The following GBP7 variants were observed in gnomAD, a reference collection of about 807,000 sequenced individuals.
GBP7 encodes the protein guanylate-binding protein 7.
In GBP7, 43 loss-of-function variants were observed where a neutral mutation model predicts 61.3. That is an observed-to-expected ratio of 0.70 (90% confidence interval 0.55 to 0.91). The LOEUF (loss-of-function observed/expected upper bound fraction) is 0.91. Among genes scored for constraint, GBP7 ranks in the 40% least tolerant of loss-of-function variants. The pLI, the probability that GBP7 is intolerant of heterozygous loss-of-function variation, is 0.00. For synonymous variants in GBP7, 267 were observed against 271.0 expected, an observed-to-expected ratio of 0.99 and a Z score of 0.14; for missense variants, 717 against 740.5, an observed-to-expected ratio of 0.97 and a Z score of 0.37.
chr1:89,154,913 C>T (rs1326973651), intron 3 of GBP7, among the ~76,000 whole-genome samples: 2 of 152,048 alleles, frequency 1.3e-5, no homozygotes, highest in Non-Finnish European at 2.9e-5. Context: ...CAAGTGGGTC[C>T]CCGACCCCCG....
At chr1:89,163,958 T>C (rs142614169) in intron 3 of GBP7, among the ~76,000 whole-genome samples, 2,502 of 151,924 alleles carry the variant, frequency 0.016, 63 homozygotes, top group African/African-American at 0.056. Flanking sequence ...CAACCTCCAC[T>C]TCCCGGGTCC....
rs147714998 is a variant in GBP7, at chr1:89,167,249, T to C, written c.191-2391A>G. 5.3e-5 allele frequency among the ~76,000 whole-genome samples: 8 copies of C among 152,318 alleles called. No homozygotes were observed. In the East Asian group the frequency reaches 1.5e-3, roughly 29 times the overall value. On this transcript the variant is annotated intron_variant, in intron 2 of 10. Transcript: ENST00000294671. ...CATTTCCACAGCTGACCTTTTCTACTGTGTTGAGTCTCCCCTTGGGTTAAA... is the reference window on the plus strand; with the variant it reads ...CATTTCCACAGCTGACCTTTTCTACCGTGTTGAGTCTCCCCTTGGGTTAAA...
chr1:89,156,935 A>G (rs923495542), intron 3 of GBP7, among the ~76,000 whole-genome samples: 1 of 152,246 alleles, frequency 6.6e-6, no homozygotes, highest in Non-Finnish European at 1.5e-5. Context: ...TTATTCCAAA[A>G]TGGACCACAT....
chr1:89,151,257 T>C (rs1682190257), intron 5 of GBP7, among the ~76,000 whole-genome samples: 1 of 152,216 alleles, frequency 6.6e-6, no homozygotes, highest in Non-Finnish European at 1.5e-5. Context: ...TGTTTCTATG[T>C]ATTTGACGTT....
At chr1:89,153,076 C>T (rs1682241804) in intron 3 of GBP7, among the ~76,000 whole-genome samples, 1 of 152,148 alleles carries the variant, frequency 6.6e-6, no homozygotes, top group South Asian at 2.1e-4. Flanking sequence ...ATCAGTGGTG[C>T]TGTAACCATT....
chr1:89,165,380 G>A (rs1355024326), intron 2 of GBP7, among the ~76,000 whole-genome samples: 1 of 151,978 alleles, frequency 6.6e-6, no homozygotes, highest in Non-Finnish European at 1.5e-5. Context: ...CACGCCTGTA[G>A]TCCCAGCTAC....
intron 9 of GBP7, among the ~76,000 whole-genome samples, chr1:89,133,693 G>C (rs115736074): frequency 1.4e-3 from 216 of 152,284 alleles, no homozygotes; most frequent in Non-Finnish European, 2.2e-3. Flanking sequence ...CAAGCACCAA[G>C]ACTCATTCCT....
At chr1:89,142,818 A>G (rs1278229662) in intron 8 of GBP7, among the ~76,000 whole-genome samples, 1 of 152,150 alleles carries the variant, frequency 6.6e-6, no homozygotes, top group Non-Finnish European at 1.5e-5. Context: ...TGGGTGTATT[A>G]GGACATTCTT....
At chr1:89,170,123 CA>C (rs1647557170) in intron 2 of GBP7, among the ~76,000 whole-genome samples, 1 of 152,074 alleles carries the variant, frequency 6.6e-6, no homozygotes, top group African/African-American at 2.4e-5. Context: ...TTAATTTAAC[CA>C]AGTTATGAGA....
At chr1:89,174,766 CTTGA>C (rs776381164) in intron 1 of GBP7, among the ~76,000 whole-genome samples, 13 of 152,252 alleles carry the variant, frequency 8.5e-5, no homozygotes, top group Middle Eastern at 6.8e-3. Context: ...TGATTTTTGA[CTTGA>C]TTATGTTAAC....
intron 9 of GBP7, among the ~76,000 whole-genome samples, chr1:89,136,501 A>C (rs1681805188): frequency 6.6e-6 from 1 of 152,226 alleles, no homozygotes; most frequent in Non-Finnish European, 1.5e-5. Flanking sequence ...ATCAATACAA[A>C]GAATATCTCT....
chr1:89,141,907 G>A (rs527489207), intron 8 of GBP7, among the ~76,000 whole-genome samples: 2 of 152,088 alleles, frequency 1.3e-5, no homozygotes, highest in African/African-American at 2.4e-5. Flanking sequence ...ACCCACCCCC[G>A]GTGCAGACAA....
rs1682139025 is a variant in GBP7 at position 89,149,339 on chromosome 1, C to T, written c.1105G>A (p.Glu369Lys). The T allele has an allele frequency of 2.5e-6, 4 of 1,613,940 alleles. No individual in the cohort carries two copies. Among genetic ancestry groups the T allele is most frequent in the African/African-American group, 1.3e-5 (1 of 74,918 alleles). ...CEREAIAVFM[E>K]YSFKDKSQEF... ...TGGCTTTTATCTTTGAAGGAGTACT[C>T]CATGAAGACTGCAATGGCTTCCCTC... is the stretch of plus-strand genomic sequence containing the variant. Residue 369 changes from glutamate (E) to lysine (K), a missense_variant, in exon 7 of 11, where the codon GAG (glutamate) becomes AAG (lysine). Physicochemically the swap from Glu to Lys is moderately conservative, Grantham distance 56 (BLOSUM62 1). Around this residue, in one of 3 missense-constraint regions of GBP7, gnomAD observed 312 missense variants for 310.1 expected, o/e 1.01. Coordinates refer to ENST00000294671, the MANE Select transcript of GBP7 (RefSeq NM_207398.3).
chr1:89,157,163 A>G (rs1682336376), intron 3 of GBP7, among the ~76,000 whole-genome samples: 1 of 152,242 alleles, frequency 6.6e-6, no homozygotes, highest in Admixed American at 6.5e-5. Context: ...CAATGAGAAG[A>G]AAGACACAAC....
intron 2 of GBP7, 55 bp downstream of exon 2, chr1:89,171,691 C>A: frequency 6.7e-7 from 1 of 1,499,492 alleles, no homozygotes; most frequent in Non-Finnish European, 9.2e-7. Context: ...ATACTAGATA[C>A]TGACTGTGTA....
intron 6 of GBP7, 147 bp downstream of exon 6, chr1:89,150,183 C>T (rs1682159096): frequency 4.3e-6 from 3 of 692,350 alleles, no homozygotes; most frequent in Non-Finnish European, 7.3e-6. Flanking sequence ...CTTTTATACC[C>T]TCACTGAGAA....
rs758972333 is a variant in GBP7 at position 89,132,260 on chromosome 1, A to G, written c.1806T>C (p.Ser602=). The stretch of plus-strand genomic sequence containing the variant: ...CCCCAGGTAGTGCTGCAATAAATAT[A>G]CTGCCAGCCACATCAAGAATCTGTG... The part of the protein sequence containing the change: ...VFSQILDVAG[S]IFIAALPGAA... Residue 602 remains serine (S), a synonymous_variant, in exon 11 of 11, where the codon AGT becomes AGC. Coordinates refer to ENST00000294671, the MANE Select transcript of GBP7 (RefSeq NM_207398.3). 1.2e-6 allele frequency: 2 copies of G among 1,614,002 alleles called. No individual in the cohort carries two copies. Among genetic ancestry groups the G allele is most frequent in the Admixed American group, 1.7e-5 (1 of 60,020 alleles).
intron 3 of GBP7, among the ~76,000 whole-genome samples, chr1:89,163,396 C>CTT (rs79742670): frequency 2.9e-5 from 4 of 137,184 alleles, no homozygotes; most frequent in Admixed American, 7.3e-5. Context: ...TGTTTCTGGG[C>CTT]TTTTTTTTTT....
rs983296454 is a variant in GBP7, at chr1:89,135,902, C to T, written c.1469-2451G>A. ...TAAAGAAATAAGACCCAACTGTCTT[C>T]GATGTTCAAGAGACCAATCTCATAT... On this transcript the variant is annotated intron_variant, in intron 9 of 10. Coordinates refer to ENST00000294671, the MANE Select transcript of GBP7 (RefSeq NM_207398.3). Among the ~76,000 whole-genome samples, 8 of 152,038 alleles carry T rather than the reference C, an allele frequency of 5.3e-5. 1 individual carries two copies. The highest frequency in any genetic ancestry group is 1.4e-4 in the African/African-American group (6 of 41,402).
Sources: gnomAD v4.1 joint callset for allele counts (sites outside exome capture counted in the v4.1 genomes callset) on GRCh38, gnomAD v4.1.1 for gene constraint, gnomAD v4.1.1 regional missense constraint, MANE v1.5 for transcripts, NCBI Gene and HGNC (gene_info 2026-07-23, HGNC 2026-07-21) for gene names.